CHMP6: variants seen among roughly 807,000 people sequenced by gnomAD.
CHMP6 encodes chromatin-modifying protein 6.
CHMP6 carries 10 observed loss-of-function variants against 32.8 expected under a neutral mutation model. That is an observed-to-expected ratio of 0.30 (90% CI 0.19 to 0.52). The LOEUF (loss-of-function observed/expected upper bound fraction) is 0.52, where lower values mean the gene tolerates loss of function less well. Among genes scored for constraint, CHMP6 ranks in the 20% least tolerant of loss-of-function variants. The probability of loss-of-function intolerance (pLI) is 0.97; values close to 1 mark genes in which losing one functional copy is unlikely to be tolerated. For missense variants in CHMP6, 269 were observed against 263.8 expected, an observed-to-expected ratio of 1.02 and a Z score of -0.14; for synonymous variants, 123 against 105.8, an observed-to-expected ratio of 1.16 and a Z score of -1.00.
At chr17:80,992,305 C>T (rs1297408703) in intron 1 of CHMP6, among the ~76,000 whole-genome samples, 1 of 151,932 alleles carries the variant, frequency 6.6e-6, no homozygotes, top group Non-Finnish European at 1.5e-5. Context: ...CACAGCCTGG[C>T]GGCCCGTCCG....
chr17:80,997,122 C>T, intron 5 of CHMP6, 50 bp downstream of exon 5: 1 of 1,607,320 alleles, frequency 6.2e-7, no homozygotes, highest in Non-Finnish European at 8.5e-7. Flanking sequence ...ACCCACAAGG[C>T]CACCCTCGAG....
chr17:80,993,652 GAAA>G (rs542257723), intron 1 of CHMP6, among the ~76,000 whole-genome samples: 40 of 152,332 alleles, frequency 2.6e-4, no homozygotes, highest in African/African-American at 9.4e-4. Context: ...ATGACGTTTG[GAAA>G]ACTTAAGGAC....
chr17:80,991,880 T>C lies in CHMP6; in HGVS notation c.-39T>C, dbSNP rs2069594483. ...GGTGGCCGCGGGGCGGCGGTGGCGA[T>C]TGGACTTGGTGGGTCCCGGGCCAGG... On this transcript the variant is annotated 5_prime_UTR_variant, in exon 1 of 8. Transcript: ENST00000325167. 5.8e-6 allele frequency: 8 copies of C among 1,369,268 alleles called. No homozygotes were observed. Among genetic ancestry groups the C allele is most frequent in the South Asian group, 3.3e-5 (2 of 61,528 alleles). The allele number at this position is 1,369,268 out of a possible 1,614,324, so 84.8% of individuals were successfully genotyped here. A position where few individuals can be genotyped will look rare whatever the true frequency, so the allele number is the denominator to read the frequency against.
chr17:80,997,168 C>A, intron 5 of CHMP6, 93 bp from the exon 6 acceptor site: 2 of 1,600,468 alleles, frequency 1.2e-6, no homozygotes, highest in Non-Finnish European at 1.7e-6. Flanking sequence ...CGGCCGCCTT[C>A]TCTCAAGGGG....
chr17:80,995,289 T>C (rs2069627621), intron 3 of CHMP6, among the ~76,000 whole-genome samples, 183 bp downstream of exon 3: 2 of 151,880 alleles, frequency 1.3e-5, no homozygotes, highest in Admixed American at 1.3e-4. Context: ...CTAATGGTCT[T>C]AAGAGGCTGG....
chr17:80,999,030 C>T (rs2069663002), intron 7 of CHMP6, 68 bp from the exon 8 acceptor site: 13 of 1,587,202 alleles, frequency 8.2e-6, no homozygotes, highest in South Asian at 7.8e-5. Context: ...CCTGTGGCCT[C>T]GTCCCTCTCT....
rs1467628355 is a variant in CHMP6, at chr17:80,991,849, A to C, written c.-70A>C. ...GCGGCCGCCGTAGCGGGAGGACCCG[A>C]GCTACGGTGGCCGCGGGGCGGCGGT... On this transcript the variant is annotated 5_prime_UTR_variant, in exon 1 of 8. Coordinates refer to ENST00000325167, the MANE Select transcript of CHMP6 (RefSeq NM_024591.5). The C allele has an allele frequency of 8.0e-7, 1 of 1,243,228 alleles. No homozygotes were observed. 77.0% of individuals were successfully genotyped at this position (1,243,228 alleles called of 1,614,324 possible).
chr17:80,996,421 A>T (rs187155869), intron 4 of CHMP6, among the ~76,000 whole-genome samples: 8 of 151,862 alleles, frequency 5.3e-5, no homozygotes, highest in African/African-American at 1.7e-4. Context: ...ACGTTCCCCC[A>T]CCAACCCCAT....
rs1369446277 is a variant in CHMP6, at chr17:80,997,352, C to A, written c.495+11C>A. Reference sequence around the variant, plus strand: ...AGCGCAATCACTCAGGTAACGGCCCCCCCGGGACTGAGCACAGTCACTCAG... The same window carrying A: ...AGCGCAATCACTCAGGTAACGGCCCACCCGGGACTGAGCACAGTCACTCAG... On this transcript the variant is annotated intron_variant, in intron 6 of 7. Coordinates refer to ENST00000325167, the MANE Select transcript of CHMP6 (RefSeq NM_024591.5). 1.2e-6 allele frequency: 2 copies of A among 1,610,288 alleles called. No homozygotes were observed. Among genetic ancestry groups the A allele is most frequent in the Non-Finnish European group, 1.7e-6 (2 of 1,178,098 alleles).
chr17:80,991,938 G>C lies in CHMP6; in HGVS notation c.20G>C (p.Arg7Pro), dbSNP rs1178176355. 1 of 1,466,904 alleles carries C rather than the reference G, an allele frequency of 6.8e-7. No individual in the cohort carries two copies. The highest frequency in any genetic ancestry group is 2.3e-5 in the Admixed American group (1 of 44,124). The allele number at this position is 1,466,904 out of a possible 1,614,324, so 90.9% of individuals were successfully genotyped here. A position where few individuals can be genotyped will look rare whatever the true frequency, so the allele number is the denominator to read the frequency against. Reference sequence around the variant, plus strand: ...GCCGCCATGGGTAACCTGTTCGGCCGCAAGAAGCAGAGCCGCGTCACGGAG... The same window carrying C: ...GCCGCCATGGGTAACCTGTTCGGCCCCAAGAAGCAGAGCCGCGTCACGGAG... MGNLFG[R>P]KKQSRVTEQD... Residue 7 changes from arginine to proline, a missense_variant, in exon 1 of 8, where the codon CGC becomes CCC. Transcript: ENST00000325167.
At chr17:80,997,413 C>G in intron 6 of CHMP6, 72 bp downstream of exon 6, 1 of 641,056 alleles carries the variant, frequency 1.6e-6, no homozygotes, top group Non-Finnish European at 2.3e-6. Context: ...CCCCAGGAGG[C>G]CCTGCCCATG....
Position 80,996,954 on chromosome 17 carries a change from GGT to G in CHMP6, c.349-52_349-51del. The G allele has an allele frequency of 3.2e-6, 5 of 1,560,344 alleles. No homozygotes were observed. In the South Asian group the frequency reaches 4.6e-5, roughly 14 times the overall value. On this transcript the variant is annotated intron_variant, in intron 4 of 7. Coordinates refer to ENST00000325167, the MANE Select transcript of CHMP6 (RefSeq NM_024591.5). ...GAGAGCCCAGGAGGCCTCTGTCGGG[GGT>G]CTACCATTGGCCTCGCGACAGGGGT...
chr17:80,992,486 C>G (rs2069601509), intron 1 of CHMP6, among the ~76,000 whole-genome samples: 1 of 152,224 alleles, frequency 6.6e-6, no homozygotes, highest in African/African-American at 2.4e-5. Flanking sequence ...GGGGCATCCC[C>G]TCTCCCTCAC....
rs2069595701 is a variant in CHMP6, at chr17:80,991,957, C to T, written c.39C>T (p.Val13=). The T allele has an allele frequency of 6.8e-7, 1 of 1,466,748 alleles. No homozygotes were observed. Among genetic ancestry groups the T allele is most frequent in the African/African-American group, 1.5e-5 (1 of 68,102 alleles). 90.9% of individuals were successfully genotyped at this position (1,466,748 alleles called of 1,614,324 possible). A position where few individuals can be genotyped will look rare whatever the true frequency, so the allele number is the denominator to read the frequency against. ...TCGGCCGCAAGAAGCAGAGCCGCGT[C>T]ACGGAGCAGGACAAGGCCATCCTGG... ...NLFGRKKQSR[V]TEQDKAILQL... Residue 13 remains valine, a synonymous_variant, in exon 1 of 8, where the codon GTC becomes GTT. Transcript: ENST00000325167.
intron 1 of CHMP6, among the ~76,000 whole-genome samples, chr17:80,994,305 A>G (rs1598438644): frequency 6.6e-6 from 1 of 152,306 alleles, no homozygotes; most frequent in East Asian, 1.9e-4. Context: ...GTGGACCCAC[A>G]GCAATGCCAC....
chr17:80,993,898 C>A (rs2069614484), intron 1 of CHMP6, among the ~76,000 whole-genome samples: 1 of 152,002 alleles, frequency 6.6e-6, no homozygotes. Context: ...TACTCGCCAC[C>A]TGCATGTTCT....
intron 6 of CHMP6, 35 bp downstream of exon 6, chr17:80,997,376 A>G (rs9989475): frequency 0.19 from 305,086 of 1,570,018 alleles, 39,628 homozygotes; most frequent in African/African-American, 0.47. Context: ...ACAGTCACTC[A>G]GGCAGCGGGA....
Position 80,991,994 on chromosome 17 carries a change from G to A in CHMP6, c.63+13G>A. 1.4e-6 allele frequency: 2 copies of A among 1,415,360 alleles called. No individual in the cohort carries two copies. Among genetic ancestry groups the A allele is most frequent in the Non-Finnish European group, 1.9e-6 (2 of 1,072,602 alleles). The allele number at this position is 1,415,360 out of a possible 1,614,324, so 87.7% of individuals were successfully genotyped here. ...CAAGGCCATCCTGGTGAGGGCCCGGGCCCGGGGTCAGGGCTGGGGCCGGGA... is the reference window on the plus strand; with the variant it reads ...CAAGGCCATCCTGGTGAGGGCCCGGACCCGGGGTCAGGGCTGGGGCCGGGA... On this transcript the variant is annotated intron_variant, in intron 1 of 7. Coordinates refer to ENST00000325167, the MANE Select transcript of CHMP6 (RefSeq NM_024591.5).
At chr17:80,996,699 C>T (rs56239087) in intron 4 of CHMP6, among the ~76,000 whole-genome samples, 38,027 of 152,104 alleles carry the variant, frequency 0.25, 5,514 homozygotes, top group African/African-American at 0.41. Flanking sequence ...GCAGTGCAGT[C>T]GTGGCCTCTG....
Sources: gnomAD v4.1 joint callset for allele counts (sites outside exome capture counted in the v4.1 genomes callset) on GRCh38, gnomAD v4.1.1 for gene constraint, MANE v1.5 for transcripts, NCBI Gene and HGNC (gene_info 2026-07-23, HGNC 2026-07-21) for gene names.